COL22A1: variants seen among roughly 807,000 people sequenced by gnomAD.
COL22A1 encodes the protein collagen type XXII alpha 1 chain.
A neutral mutation model predicts 248.9 loss-of-function variants in COL22A1; 221 were observed. The ratio of observed to expected loss-of-function variants is 0.89; its 90% confidence interval spans 0.80 to 0.99. The LOEUF (loss-of-function observed/expected upper bound fraction) is 0.99. Among genes scored for constraint, COL22A1 ranks in the 50% least tolerant of loss-of-function variants. The pLI is 0.00. For missense variants in COL22A1, 2,240 were observed against 2,179.0 expected, an observed-to-expected ratio of 1.03 and a Z score of -0.56; for synonymous variants, 891 against 793.4, an observed-to-expected ratio of 1.12 and a Z score of -2.07.
intron 11 of COL22A1, among the ~76,000 whole-genome samples, chr8:138,798,034 C>A (rs1816699275): frequency 6.6e-6 from 1 of 151,446 alleles, no homozygotes; most frequent in African/African-American, 2.4e-5. Flanking sequence ...CCTATTGAAA[C>A]CTATTTGTCT....
At chr8:138,735,530 A>G (rs969914499) in intron 23 of COL22A1, among the ~76,000 whole-genome samples, 2 of 152,232 alleles carry the variant, frequency 1.3e-5, no homozygotes, top group Admixed American at 6.5e-5. Context: ...TTGTAGGGGG[A>G]AAAATTATAG....
chr8:138,773,696 A>G (rs1195104251), intron 16 of COL22A1, among the ~76,000 whole-genome samples: 3 of 152,190 alleles, frequency 2.0e-5, no homozygotes, highest in African/African-American at 7.2e-5. Flanking sequence ...GGCCTGCACC[A>G]GGCACTCTGT....
chr8:138,884,045 G>C (rs970480613), intron 1 of COL22A1, among the ~76,000 whole-genome samples: 1 of 152,082 alleles, frequency 6.6e-6, no homozygotes, highest in African/African-American at 2.4e-5. Context: ...TTTCCCACAG[G>C]TTCCAGGTGT....
In COL22A1 at chr8:138,636,770, T is replaced by G; in HGVS notation, c.3527A>C (p.Asp1176Ala). ...ATCACCTTTCTGCCCAACCTCACCA[T>G]CTGCACCACGTTCTCCTTGACTTCC... ...PQGSQGERGA[D>A]GEVGQKGDQG... The change falls in exon 48 of 65, where the codon GAT (aspartate) becomes GCT (alanine). Residue 1176 changes from aspartate (D) to alanine (A), a missense_variant. Coordinates refer to ENST00000303045, the MANE Select transcript of COL22A1 (RefSeq NM_152888.3). The G allele has an allele frequency of 6.2e-7, 1 of 1,613,616 alleles. No homozygotes were observed. Among genetic ancestry groups the G allele is most frequent in the East Asian group, 2.2e-5 (1 of 44,852 alleles).
chr8:138,704,784 TGAGTTGATA>T (rs1472427274), intron 30 of COL22A1, among the ~76,000 whole-genome samples: 2 of 152,196 alleles, frequency 1.3e-5, no homozygotes, highest in Admixed American at 1.3e-4. Flanking sequence ...ATGACTTTGA[TGAGTTGATA>T]GAAGTAGGCT....
chr8:138,878,263 C>G lies in COL22A1; in HGVS notation c.145G>C (p.Val49Leu). ...ACCTTCTCAAAGTCCTCCTTGCCCA[C>G]GCTGGAGGAGGTGTCCAGGAGGAAG... is the stretch of plus-strand genomic sequence containing the variant. ...LVFLLDTSSS[V>L]GKEDFEKVRQ... is the part of the protein sequence containing the mutation. The change falls in exon 3 of 65, where the codon GTG (valine) becomes CTG (leucine). Residue 49 changes from valine to leucine, a missense_variant. By Grantham distance (32) the Val-to-Leu change is conservative. Transcript: ENST00000303045. 1.3e-6 allele frequency: 2 copies of G among 1,584,038 alleles called. No individual in the cohort carries two copies. The highest frequency in any genetic ancestry group is 1.7e-6 in the Non-Finnish European group (2 of 1,164,748).
chr8:138,771,102 A>G (rs1456029703), intron 16 of COL22A1, among the ~76,000 whole-genome samples: 1 of 152,238 alleles, frequency 6.6e-6, no homozygotes, highest in African/African-American at 2.4e-5. Context: ...GGCAGGCCCC[A>G]GGATCACAGT....
Position 138,913,781 on chromosome 8 carries a change from C to T in COL22A1, c.-235G>A, listed in dbSNP as rs536093151. 2.6e-4 allele frequency: 39 copies of T among 152,556 alleles called. No individual in the cohort carries two copies. The highest frequency in any genetic ancestry group is 9.1e-4 in the African/African-American group (38 of 41,588). The allele number at this position is 152,556 out of a possible 1,614,324, so 9.5% of individuals were successfully genotyped here. A position where few individuals can be genotyped will look rare whatever the true frequency, so the allele number is the denominator to read the frequency against. ...CCCCAAATAATCTCACAAACTCAGA[C>T]TCTAAACAAGACCCGCAGTAAGTGT... is the stretch of plus-strand genomic sequence containing the variant. On this transcript the variant is annotated 5_prime_UTR_variant, in exon 1 of 65. Transcript: ENST00000303045.
At chr8:138,629,019 C>A (rs952296398) in intron 50 of COL22A1, among the ~76,000 whole-genome samples, 1 of 76 alleles carries the variant, frequency 0.013, no homozygotes, top group Non-Finnish European at 0.022. Flanking sequence ...CCTTGGCTTC[C>A]CAGGATGGGT....
chr8:138,837,265 G>C (rs888695240), intron 4 of COL22A1, among the ~76,000 whole-genome samples: 2 of 152,154 alleles, frequency 1.3e-5, no homozygotes, highest in African/African-American at 4.8e-5. Flanking sequence ...TGGTTATAAG[G>C]ACCAGGCCTC....
chr8:138,840,398 A>G (rs1820791120), intron 4 of COL22A1, among the ~76,000 whole-genome samples: 1 of 151,698 alleles, frequency 6.6e-6, no homozygotes, highest in South Asian at 2.1e-4. Context: ...AGGCTTCAGG[A>G]CTCCTCTGGC....
At chr8:138,684,279 C>T (rs879102358) in intron 39 of COL22A1, 146 bp downstream of exon 39, 2 of 720,106 alleles carry the variant, frequency 2.8e-6, no homozygotes. Context: ...AAAAAAAGTC[C>T]TAGAACCTTT....
intron 55 of COL22A1, among the ~76,000 whole-genome samples, chr8:138,615,580 C>A (rs935811609): frequency 1.3e-5 from 2 of 148,810 alleles, no homozygotes; most frequent in African/African-American, 5.0e-5. Context: ...AAGATCCCAA[C>A]ACCAAATAAA....
At chr8:138,885,034 G>A (rs201113381) in intron 1 of COL22A1, among the ~76,000 whole-genome samples, 53 of 148,712 alleles carry the variant, frequency 3.6e-4, no homozygotes, top group African/African-American at 9.7e-4. Flanking sequence ...ACACACACAC[G>A]CACACACACA....
intron 3 of COL22A1, among the ~76,000 whole-genome samples, chr8:138,876,028 C>T (rs148763653): frequency 1.5e-4 from 23 of 152,260 alleles, no homozygotes; most frequent in African/African-American, 5.1e-4. Context: ...TGCTGTTCAG[C>T]GGCATTCCAT....
At chr8:138,645,648 G>A (rs1188781023) in intron 47 of COL22A1, among the ~76,000 whole-genome samples, 1 of 152,126 alleles carries the variant, frequency 6.6e-6, no homozygotes, top group Non-Finnish European at 1.5e-5. Context: ...ATAGTCCCTA[G>A]TTAACTTTAG....
At position 138,700,120 on chromosome 8, in the gene COL22A1, G is replaced by A. The variant is rs779359831; in HGVS notation, c.2584C>T (p.Arg862Trp). The A allele has an allele frequency of 4.0e-5, 64 of 1,613,384 alleles. No individual in the cohort carries two copies. The highest frequency in any genetic ancestry group is 1.5e-4 in the African/African-American group (11 of 74,912). Residue 862 changes from arginine (R) to tryptophan (W), a missense_variant, in exon 32 of 65, where the codon CGG becomes TGG. Transcript: ENST00000303045. ...GTTSLFTPHP[R>W]MPGEQGPKGE... Reference sequence around the variant, plus strand: ...GCACCGCTACTACTTACGGGCATCCGTGGATGTGGTGTGAACAGGGATGTC... The same window carrying A: ...GCACCGCTACTACTTACGGGCATCCATGGATGTGGTGTGAACAGGGATGTC...
intron 31 of COL22A1, among the ~76,000 whole-genome samples, chr8:138,701,388 A>G (rs1237963131): frequency 6.6e-6 from 1 of 152,178 alleles, no homozygotes; most frequent in African/African-American, 2.4e-5. Flanking sequence ...TGGACAAAAA[A>G]CATCATAGAT....
At chr8:138,731,397 C>T (rs1830694706) in intron 23 of COL22A1, among the ~76,000 whole-genome samples, 2 of 152,100 alleles carry the variant, frequency 1.3e-5, no homozygotes, top group Admixed American at 1.3e-4. Context: ...AATATGAGAG[C>T]AGGCAGAAGG....
Sources: allele counts gnomAD v4.1 joint callset (sites outside exome capture counted in the v4.1 genomes callset), GRCh38; gene constraint gnomAD v4.1.1; transcripts MANE v1.5; gene names NCBI Gene and HGNC (gene_info 2026-07-23, HGNC 2026-07-21).